CFAP263: variants seen among roughly 807,000 people sequenced by gnomAD.
CFAP263 encodes the protein cilia- and flagella-associated protein 263.
At chr16:58,252,904 C>G in the CFAP263 span, 10 of 1,590,170 alleles carry the variant, frequency 6.3e-6, no homozygotes, top group Admixed American at 1.0e-4. Flanking sequence ...ACCTTAAATG[C>G]AAGTGGTATT....
the CFAP263 span, among the ~76,000 whole-genome samples, chr16:58,270,328 C>T: frequency 2.6e-5 from 4 of 152,080 alleles, no homozygotes; most frequent in South Asian, 2.1e-4. Context: ...GAAAAATCAT[C>T]GAACACAAAG....
At chr16:58,273,258 T>A in the CFAP263 span, among the ~76,000 whole-genome samples, 83 of 152,336 alleles carry the variant, frequency 5.4e-4, no homozygotes, top group Non-Finnish European at 9.3e-4. Flanking sequence ...CCATTATATC[T>A]GAATAATTTT....
chr16:58,279,657 A>ATTTTTTTTCTTTTTTTCTT, the CFAP263 span: 1 of 1,499,256 alleles, frequency 6.7e-7, no homozygotes, highest in East Asian at 2.3e-5. Context: ...CTCCTTTATC[A>ATTTTTTTTCTTTTTTTCTT]TTTTTTTTCT....
the CFAP263 span, among the ~76,000 whole-genome samples, chr16:58,259,298 G>A: frequency 6.6e-6 from 1 of 152,056 alleles, no homozygotes; most frequent in Non-Finnish European, 1.5e-5. Context: ...TGAACTCTTG[G>A]GCTCCAACAG....
At chr16:58,255,024 T>C in the CFAP263 span, among the ~76,000 whole-genome samples, 2 of 152,168 alleles carry the variant, frequency 1.3e-5, no homozygotes, top group Admixed American at 1.3e-4. Flanking sequence ...TAGGGAGAAT[T>C]GGCTCACGTG....
At chr16:58,276,949 G>A in the CFAP263 span, among the ~76,000 whole-genome samples, 1 of 152,108 alleles carries the variant, frequency 6.6e-6, no homozygotes, top group Non-Finnish European at 1.5e-5. Context: ...GTTTGTATAA[G>A]CCTAGATTTC....
the CFAP263 span, among the ~76,000 whole-genome samples, chr16:58,277,126 A>G: frequency 6.6e-6 from 1 of 150,712 alleles, no homozygotes; most frequent in Non-Finnish European, 1.5e-5. Context: ...TAATGTTAAA[A>G]TTTTTTTTTA....
the CFAP263 span, among the ~76,000 whole-genome samples, chr16:58,257,624 T>C: frequency 6.6e-6 from 1 of 151,738 alleles, no homozygotes; most frequent in African/African-American, 2.4e-5. Flanking sequence ...TTTTCCATTT[T>C]TCCCCCCAAT....
At chr16:58,278,424 G>T in the CFAP263 span, 1 of 1,543,524 alleles carries the variant, frequency 6.5e-7, no homozygotes, top group Middle Eastern at 2.0e-4. Flanking sequence ...GGGCCAGTGA[G>T]TTCTCAAAGC....
At chr16:58,254,095 C>T in the CFAP263 span, 4 of 1,614,084 alleles carry the variant, frequency 2.5e-6, no homozygotes, top group South Asian at 1.1e-5. Context: ...AAAGAGGTTG[C>T]GGACATGAAG....
chr16:58,276,848 A>G, the CFAP263 span, among the ~76,000 whole-genome samples: 1 of 152,282 alleles, frequency 6.6e-6, no homozygotes, highest in African/African-American at 2.4e-5. Context: ...GTGTTGATAC[A>G]CAAAGATCTT....
At chr16:58,254,920 A>G in the CFAP263 span, among the ~76,000 whole-genome samples, 3 of 152,158 alleles carry the variant, frequency 2.0e-5, no homozygotes, top group Non-Finnish European at 2.9e-5. Context: ...TAATTTCTTC[A>G]TAATACAAGG....
the CFAP263 span, chr16:58,259,836 T>C: frequency 6.9e-6 from 10 of 1,448,368 alleles, no homozygotes; most frequent in Non-Finnish European, 9.6e-6. Context: ...TGCATTAAAA[T>C]ATGCCTTTAT....
chr16:58,253,305 C>A, the CFAP263 span, among the ~76,000 whole-genome samples: 1 of 151,898 alleles, frequency 6.6e-6, no homozygotes, highest in South Asian at 2.1e-4. Context: ...TGCTTGAGCC[C>A]AGGAGTTTGA....
chr16:58,274,275 T>G, the CFAP263 span, among the ~76,000 whole-genome samples: 4 of 152,234 alleles, frequency 2.6e-5, no homozygotes, highest in Admixed American at 2.6e-4. Flanking sequence ...TACTTGCTGC[T>G]ACTAACATTA....
chr16:58,251,483 C>T, the CFAP263 span, among the ~76,000 whole-genome samples: 1 of 152,186 alleles, frequency 6.6e-6, no homozygotes, highest in Non-Finnish European at 1.5e-5. Flanking sequence ...CCTCTGCTTC[C>T]CAGGTTCAAG....
the CFAP263 span, among the ~76,000 whole-genome samples, chr16:58,258,982 A>AAAATAAAT: frequency 3.9e-3 from 569 of 144,054 alleles, 2 homozygotes; most frequent in African/African-American, 5.1e-3. Flanking sequence ...CGTCTCAGAA[A>AAAATAAAT]AAATAAATAA....
the CFAP263 span, among the ~76,000 whole-genome samples, chr16:58,261,532 A>G: frequency 1.3e-5 from 2 of 152,222 alleles, no homozygotes; most frequent in Non-Finnish European, 2.9e-5. Context: ...GAAAAGGTGT[A>G]TATGTGTAAT....
At chr16:58,266,695 A>G in the CFAP263 span, among the ~76,000 whole-genome samples, 572 of 152,106 alleles carry the variant, frequency 3.8e-3, 5 homozygotes, top group African/African-American at 0.013. Flanking sequence ...TCTGCCCAGC[A>G]AAGCACATCC....
Sources: allele counts gnomAD v4.1 joint callset (sites outside exome capture counted in the v4.1 genomes callset), GRCh38; gene constraint gnomAD v4.1.1; transcripts MANE v1.5; gene names NCBI Gene and HGNC (gene_info 2026-07-23, HGNC 2026-07-21).